AKR1E2: variants seen among roughly 807,000 people sequenced by gnomAD.
AKR1E2 encodes aldo-keto reductase family 1 member E2, also known as 1,5-anhydro-D-fructose reductase.
In AKR1E2, 43 loss-of-function variants were observed where a neutral mutation model predicts 41.9. The ratio of observed to expected loss-of-function variants is 1.03; its 90% confidence interval spans 0.80 to 1.32. The LOEUF (loss-of-function observed/expected upper bound fraction) is 1.32. AKR1E2 is among the 40% of genes most tolerant of loss of function. AKR1E2 has a pLI of 0.00. For synonymous variants in AKR1E2, 121 were observed against 138.9 expected (o/e 0.87, Z 0.91); for missense variants, 423 against 396.5 (o/e 1.07, Z -0.57).
Position 4,826,729 on chromosome 10 carries a change from G to T in AKR1E2, c.39+366G>T, listed in dbSNP as rs115968956. Among the ~76,000 whole-genome samples, 1,264 of 152,286 alleles carry T rather than the reference G, an allele frequency of 8.3e-3. 18 individuals are homozygous for T. The highest frequency in any genetic ancestry group is 0.029 in the African/African-American group (1,204 of 41,560). On this transcript the variant is annotated intron_variant, in intron 1 of 9. Coordinates refer to ENST00000298375, the MANE Select transcript of AKR1E2 (RefSeq NM_001040177.3). ...GATGCCGAGGGGAGGCCTTGGCGGC[G>T]CTGGACTCGGCCGGAACAGGGAACC...
chr10:4,848,629 C>T (rs1834467782), downstream of AKR1E2, among the ~76,000 whole-genome samples: 1 of 152,222 alleles, frequency 6.6e-6, no homozygotes, highest in Non-Finnish European at 1.5e-5. Flanking sequence ...AGCCTCCAAA[C>T]AAGCCTCTCA....
chr10:4,840,224 T>A (rs2131545890), intron 6 of AKR1E2, among the ~76,000 whole-genome samples: 1 of 152,206 alleles, frequency 6.6e-6, no homozygotes, highest in African/African-American at 2.4e-5. Flanking sequence ...TGTACTGTGC[T>A]CCCAAGATCA....
chr10:4,856,377 G>C, the AKR1E2 span, among the ~76,000 whole-genome samples: 1 of 152,082 alleles, frequency 6.6e-6, no homozygotes. Flanking sequence ...AGCACAACAG[G>C]TTTTTCTTAG....
intron 2 of AKR1E2, among the ~76,000 whole-genome samples, chr10:4,832,263 C>T (rs944596849): frequency 3.3e-4 from 50 of 152,294 alleles, no homozygotes; most frequent in Middle Eastern, 3.4e-3. Context: ...TGAGTAACTT[C>T]CCAGCTAAAG....
chr10:4,866,942 T>G, the AKR1E2 span, among the ~76,000 whole-genome samples: 2 of 152,130 alleles, frequency 1.3e-5, no homozygotes, highest in Non-Finnish European at 2.9e-5. Flanking sequence ...ACCCAGGCAC[T>G]TAGGAGCAGT....
chr10:4,847,665 G>A lies in AKR1E2; in HGVS notation c.*135G>A. ...GCCACACAGTCAGAGGGGGATGTAA[G>A]AGCCACCTTCTCTGACAAATCTGGA... On this transcript the variant is annotated 3_prime_UTR_variant, in exon 10 of 10. Coordinates refer to ENST00000298375, the MANE Select transcript of AKR1E2 (RefSeq NM_001040177.3). The A allele has an allele frequency of 1.0e-6, 1 of 994,136 alleles. No homozygotes were observed. Among genetic ancestry groups the A allele is most frequent in the Non-Finnish European group, 1.5e-6 (1 of 654,936 alleles). 61.6% of individuals were successfully genotyped at this position (994,136 alleles called of 1,614,324 possible).
At chr10:4,861,524 G>A in the AKR1E2 span, among the ~76,000 whole-genome samples, 12 of 151,956 alleles carry the variant, frequency 7.9e-5, no homozygotes, top group African/African-American at 2.2e-4. Flanking sequence ...TTGCACCACC[G>A]CGCCCAGCTA....
chr10:4,847,487 G>A lies in AKR1E2; in HGVS notation c.921-1G>A. ...TTTTGATTTGTTTTTCTGTTTTTCA[G>A]AACTAAAAATCACAAAGACTATCCT... On this transcript the variant is annotated splice_acceptor_variant, in intron 9 of 9. Transcript: ENST00000298375. LOFTEE classifies it high-confidence loss of function. 2 of 1,611,010 alleles carry A rather than the reference G, an allele frequency of 1.2e-6. No homozygotes were observed. The highest frequency in any genetic ancestry group is 1.7e-6 in the Non-Finnish European group (2 of 1,179,172).
At chr10:4,839,911 G>T in intron 6 of AKR1E2, 85 bp downstream of exon 6, 1 of 1,280,768 alleles carries the variant, frequency 7.8e-7, no homozygotes, top group Non-Finnish European at 1.1e-6. Flanking sequence ...GACTGAGGGA[G>T]GGCTTAATGG....
chr10:4,838,958 C>T (rs1833652827), intron 5 of AKR1E2, among the ~76,000 whole-genome samples: 1 of 152,188 alleles, frequency 6.6e-6, no homozygotes, highest in African/African-American at 2.4e-5. Context: ...AAGGGCTGGC[C>T]TCTCTTTTGG....
the AKR1E2 span, among the ~76,000 whole-genome samples, chr10:4,861,593 T>C: frequency 6.6e-6 from 1 of 152,088 alleles, no homozygotes; most frequent in Non-Finnish European, 1.5e-5. Context: ...GGTCTCAAAC[T>C]CCTGACCTCA....
rs778528082 is a variant in AKR1E2, at chr10:4,841,767, T to G, written c.681-18T>G. 6.9e-6 allele frequency: 11 copies of G among 1,599,332 alleles called. No individual in the cohort carries two copies. The highest frequency in any genetic ancestry group is 9.4e-6 in the Non-Finnish European group (11 of 1,172,082). On this transcript the variant is annotated intron_variant, in intron 6 of 9. Transcript: ENST00000298375. The stretch of plus-strand genomic sequence containing the variant: ...TGTTGGATCTCCTGGCTCACTCCCC[T>G]GTACTGTGTCTCTCTAGTGAGGGGG...
downstream of AKR1E2, among the ~76,000 whole-genome samples, chr10:4,848,383 G>A (rs1206103007): frequency 6.6e-6 from 1 of 152,248 alleles, no homozygotes; most frequent in Non-Finnish European, 1.5e-5. Context: ...TCACGCCCAG[G>A]CGTTGGTAGA....
Position 4,842,513 on chromosome 10 carries a change from A to AT in AKR1E2, c.837+11dup. On this transcript the variant is annotated intron_variant, in intron 8 of 9. Coordinates refer to ENST00000298375, the MANE Select transcript of AKR1E2 (RefSeq NM_001040177.3). ...TTAAAGAGAATATCCAGGTAGGTGT[A>AT]TTCCTTCTTTTATTTGGCGGGTTTC... 6.2e-7 allele frequency: 1 copy of AT among 1,612,572 alleles called. No individual in the cohort carries two copies. The highest frequency in any genetic ancestry group is 1.1e-5 in the South Asian group (1 of 90,988).
At chr10:4,849,552 A>T (rs1213206536), downstream of AKR1E2, among the ~76,000 whole-genome samples, 1 of 152,186 alleles carries the variant, frequency 6.6e-6, no homozygotes, top group Non-Finnish European at 1.5e-5. Flanking sequence ...TTATACTTAA[A>T]CCATTGTTCA....
At chr10:4,848,078 CTTTTTTTT>C (rs60725002), downstream of AKR1E2, 1 of 131,532 alleles carries the variant, frequency 7.6e-6, no homozygotes, top group Admixed American at 7.9e-5. Context: ...ATTTTAATTT[CTTTTTTTT>C]TTTTTTTTTG....
chr10:4,864,753 C>T, the AKR1E2 span, among the ~76,000 whole-genome samples: 1 of 152,184 alleles, frequency 6.6e-6, no homozygotes, highest in Non-Finnish European at 1.5e-5. Flanking sequence ...TAAGCAACTT[C>T]AGCAAAGTCT....
Position 4,847,734 on chromosome 10 carries a change from A to T in AKR1E2, c.*204A>T. 1.6e-6 allele frequency: 1 copy of T among 606,256 alleles called. No individual in the cohort carries two copies. Among genetic ancestry groups the T allele is most frequent in the African/African-American group, 1.9e-5 (1 of 53,938 alleles). 37.6% of individuals were successfully genotyped at this position (606,256 alleles called of 1,614,324 possible). A position where few individuals can be genotyped will look rare whatever the true frequency, so the allele number is the denominator to read the frequency against. ...GTGAAGGCAATGGGGTTTCTCCAAG[A>T]CAGCCTGTGTGGCCTCTACTCTGAA... On this transcript the variant is annotated 3_prime_UTR_variant, in exon 10 of 10. Coordinates refer to ENST00000298375, the MANE Select transcript of AKR1E2 (RefSeq NM_001040177.3).
the AKR1E2 span, among the ~76,000 whole-genome samples, chr10:4,860,828 T>C: frequency 6.6e-6 from 1 of 152,200 alleles, no homozygotes; most frequent in African/African-American, 2.4e-5. Flanking sequence ...CTTTTTGACC[T>C]AGAAATGTGA....
Sources: allele counts gnomAD v4.1 joint callset (sites outside exome capture counted in the v4.1 genomes callset), GRCh38; gene constraint gnomAD v4.1.1; transcripts MANE v1.5; gene names NCBI Gene and HGNC (gene_info 2026-07-23, HGNC 2026-07-21).